PTPRT: variants seen among roughly 807,000 people sequenced by gnomAD.
PTPRT encodes receptor-type tyrosine-protein phosphatase T.
Under a neutral mutation model 176.8 loss-of-function variants are expected in PTPRT, and 56 were observed. The observed-to-expected ratio is 0.32, with a 90% CI of 0.26 to 0.40. PTPRT has a LOEUF of 0.40. Ranked by LOEUF, PTPRT falls within the 10% of genes least tolerant of loss-of-function variation. PTPRT has a pLI of 1.00. For synonymous variants in PTPRT, 783 were observed against 739.0 expected, an observed-to-expected ratio of 1.06 and a Z score of -0.96; for missense variants, 1,540 against 1,908.2, an observed-to-expected ratio of 0.81 and a Z score of 3.60.
the PTPRT span, among the ~76,000 whole-genome samples, chr20:42,033,109 A>G: frequency 6.6e-6 from 1 of 152,186 alleles, no homozygotes; most frequent in Non-Finnish European, 1.5e-5. Context: ...TAAGTGAACA[A>G]CTATCAGATG....
the PTPRT span, among the ~76,000 whole-genome samples, chr20:42,034,932 C>T: frequency 6.6e-6 from 1 of 152,106 alleles, no homozygotes; most frequent in Non-Finnish European, 1.5e-5. Context: ...GAATCCTAGC[C>T]CAGTCAGAGC....
chr20:42,328,238 C>A (rs1279306756), intron 11 of PTPRT, among the ~76,000 whole-genome samples: 3 of 151,884 alleles, frequency 2.0e-5, no homozygotes, highest in Non-Finnish European at 2.9e-5. Flanking sequence ...GCCTTTGTTA[C>A]TAAACAAAAA....
At chr20:43,164,865 C>T (rs562076934) in intron 1 of PTPRT, among the ~76,000 whole-genome samples, 1 of 152,110 alleles carries the variant, frequency 6.6e-6, no homozygotes, top group African/African-American at 2.4e-5. Flanking sequence ...ATGTAAAAAC[C>T]TTTCTTAGTT....
At chr20:43,098,693 A>T (rs2012270279) in intron 1 of PTPRT, among the ~76,000 whole-genome samples, 1 of 152,148 alleles carries the variant, frequency 6.6e-6, no homozygotes, top group African/African-American at 2.4e-5. Context: ...CATGGTTTGA[A>T]GCAAACCAAA....
chr20:43,056,815 G>A (rs889151418), intron 1 of PTPRT, among the ~76,000 whole-genome samples: 9 of 152,140 alleles, frequency 5.9e-5, no homozygotes, highest in Middle Eastern at 3.2e-3. Context: ...AGACTCAAAC[G>A]GATTAATTGT....
chr20:42,281,878 T>C (rs1159042134), intron 13 of PTPRT, among the ~76,000 whole-genome samples: 2 of 152,200 alleles, frequency 1.3e-5, no homozygotes, highest in African/African-American at 4.8e-5. Context: ...TTTTGTTTTT[T>C]AAAAAGAGTA....
In PTPRT at chr20:42,922,133, G is replaced by A. The variant is rs376209734; in HGVS notation, c.89-36201C>T. ...GTATTTTTAGTAGAGATGGGGTTTC[G>A]CTATATTGGCCAGGCTGATCTCAAA... On this transcript the variant is annotated intron_variant, in intron 1 of 30. Transcript: ENST00000373187. 2.7e-4 allele frequency among the ~76,000 whole-genome samples: 41 copies of A among 152,070 alleles called. No homozygotes were observed. The East Asian group carries it at 3.9e-3, about 14-fold the overall frequency.
At chr20:42,390,737 T>A (rs894395307) in intron 9 of PTPRT, among the ~76,000 whole-genome samples, 8 of 152,138 alleles carry the variant, frequency 5.3e-5, no homozygotes, top group African/African-American at 1.9e-4. Flanking sequence ...AACTGCAACT[T>A]TAAGAGAGAC....
the PTPRT span, among the ~76,000 whole-genome samples, chr20:42,039,692 G>GTGTATATATATATATATATATA: frequency 1.8e-5 from 2 of 113,204 alleles, no homozygotes; most frequent in Non-Finnish European, 4.0e-5. Context: ...ATTCTGTTGT[G>GTGTATATATATATATATATATA]TATATATATA....
chr20:42,332,329 C>T (rs2057977709), intron 11 of PTPRT, among the ~76,000 whole-genome samples: 2 of 152,234 alleles, frequency 1.3e-5, no homozygotes, highest in African/African-American at 2.4e-5. Flanking sequence ...CCTGCCTCAG[C>T]CTCCCGAGTA....
At chr20:42,406,557 T>A (rs917290218) in intron 9 of PTPRT, among the ~76,000 whole-genome samples, 14 of 152,044 alleles carry the variant, frequency 9.2e-5, no homozygotes, top group Non-Finnish European at 2.1e-4. Flanking sequence ...CAAATGATTT[T>A]AAAAATATAT....
chr20:42,956,732 CT>C (rs1430799462), intron 1 of PTPRT, among the ~76,000 whole-genome samples: 2 of 152,158 alleles, frequency 1.3e-5, no homozygotes, highest in Admixed American at 1.3e-4. Context: ...ACCTTCTCCC[CT>C]AGGGGAAATG....
At chr20:42,175,944 C>A (rs1188548904) in intron 16 of PTPRT, among the ~76,000 whole-genome samples, 2 of 152,182 alleles carry the variant, frequency 1.3e-5, no homozygotes, top group Non-Finnish European at 2.9e-5. Flanking sequence ...CTGCCTCCAT[C>A]CCCATCTGAG....
chr20:42,912,936 T>C (rs1389646217), intron 1 of PTPRT, among the ~76,000 whole-genome samples: 2 of 152,212 alleles, frequency 1.3e-5, no homozygotes, highest in Non-Finnish European at 2.9e-5. Context: ...TAATTAATGC[T>C]AGTGCTAGAG....
At chr20:42,951,732 G>A (rs944387793) in intron 1 of PTPRT, among the ~76,000 whole-genome samples, 3 of 152,146 alleles carry the variant, frequency 2.0e-5, no homozygotes, top group Non-Finnish European at 2.9e-5. Context: ...GTGGATACAC[G>A]GAGGCAGAAA....
At chr20:42,551,072 T>G (rs2072762300) in intron 7 of PTPRT, among the ~76,000 whole-genome samples, 1 of 152,178 alleles carries the variant, frequency 6.6e-6, no homozygotes, top group Admixed American at 6.6e-5. Flanking sequence ...CTTCATGCAT[T>G]GTTTTTCATA....
intron 1 of PTPRT, among the ~76,000 whole-genome samples, chr20:42,922,378 T>C (rs1166649633): frequency 1.3e-5 from 2 of 152,190 alleles, no homozygotes; most frequent in African/African-American, 2.4e-5. Flanking sequence ...CAACTTGAAA[T>C]AGTATCCATA....
intron 2 of PTPRT, among the ~76,000 whole-genome samples, chr20:42,853,089 A>G (rs1311400536): frequency 6.6e-6 from 1 of 152,054 alleles, no homozygotes; most frequent in Non-Finnish European, 1.5e-5. Context: ...AATCTCAGGC[A>G]CCCTTTGGTC....
At chr20:42,691,575 A>G (rs1159079232) in intron 6 of PTPRT, among the ~76,000 whole-genome samples, 1 of 152,182 alleles carries the variant, frequency 6.6e-6, no homozygotes, top group African/African-American at 2.4e-5. Context: ...GAAGAGTTTA[A>G]GAGATGACAC....
Sources: allele counts gnomAD v4.1 joint callset (sites outside exome capture counted in the v4.1 genomes callset), GRCh38; gene constraint gnomAD v4.1.1; transcripts MANE v1.5; gene names NCBI Gene and HGNC (gene_info 2026-07-23, HGNC 2026-07-21).